The following ADAM2 variants were observed in gnomAD, a reference collection of about 807,000 sequenced individuals.
ADAM2 encodes ADAM metallopeptidase domain 2.
Under a neutral mutation model 99.3 loss-of-function variants are expected in ADAM2, and 101 were observed. The ratio of observed to expected loss-of-function variants is 1.02; its 90% CI spans 0.87 to 1.20. The LOEUF is 1.20. ADAM2 is among the 50% of genes most tolerant of loss of function. ADAM2 has a pLI of 0.00. For missense variants in ADAM2, 948 were observed against 878.7 expected, an observed-to-expected ratio of 1.08 and a Z score of -1.00; for synonymous variants, 323 against 287.6, an observed-to-expected ratio of 1.12 and a Z score of -1.25.
intron 7 of ADAM2, among the ~76,000 whole-genome samples, chr8:39,795,413 A>G (rs1586113856): frequency 6.6e-6 from 1 of 152,254 alleles, no homozygotes; most frequent in African/African-American, 2.4e-5. Context: ...ATTCTCTCTG[A>G]AGCCTGCTAC....
At position 39,824,835 on chromosome 8, in the gene ADAM2, A is replaced by G; in HGVS notation, c.251T>C (p.Leu84Pro). 6.4e-7 allele frequency: 1 copy of G among 1,570,940 alleles called. No homozygotes were observed. Reference protein sequence around the residue: ...SYSGTGIMKPLDQDFQNFCHY... With the variant: ...SYSGTGIMKPPDQDFQNFCHY... ...AAAACATACCTGAAAATCTTGGTCA[A>G]GTGGTTTCATAATTCCTGTGCCACT... The change falls in exon 4 of 21, where the codon CTT becomes CCT. Residue 84 changes from leucine to proline, a missense_variant. Leu to Pro is a moderately conservative substitution (Grantham distance 98). Coordinates refer to ENST00000265708, the MANE Select transcript of ADAM2 (RefSeq NM_001464.5).
chr8:39,798,093 G>T (rs1007146856), intron 7 of ADAM2, among the ~76,000 whole-genome samples: 3 of 152,226 alleles, frequency 2.0e-5, no homozygotes, highest in African/African-American at 7.2e-5. Flanking sequence ...GGAGTAGTAA[G>T]ACAGGGCATC....
At chr8:39,812,448 A>C (rs1448012520) in intron 6 of ADAM2, among the ~76,000 whole-genome samples, 1 of 152,178 alleles carries the variant, frequency 6.6e-6, no homozygotes, top group African/African-American at 2.4e-5. Flanking sequence ...ATGGAACCAA[A>C]AATGAGCCCG....
intron 10 of ADAM2, among the ~76,000 whole-genome samples, chr8:39,786,697 A>C (rs1025283337): frequency 6.6e-6 from 1 of 152,148 alleles, no homozygotes; most frequent in African/African-American, 2.4e-5. Context: ...AAATATTAAG[A>C]TTATGAAAAC....
intron 6 of ADAM2, among the ~76,000 whole-genome samples, chr8:39,812,614 T>C (rs1195877671): frequency 6.6e-6 from 1 of 152,054 alleles, no homozygotes; most frequent in Non-Finnish European, 1.5e-5. Flanking sequence ...CCCTCAGAAA[T>C]AGTACCGCAC....
At chr8:39,781,597 T>C (rs1803233603) in intron 10 of ADAM2, among the ~76,000 whole-genome samples, 2 of 152,216 alleles carry the variant, frequency 1.3e-5, no homozygotes, top group Non-Finnish European at 2.9e-5. Flanking sequence ...CTACAGGATA[T>C]GGATATTCCA....
At chr8:39,803,015 A>G (rs764569372) in intron 7 of ADAM2, among the ~76,000 whole-genome samples, 1 of 152,120 alleles carries the variant, frequency 6.6e-6, no homozygotes, top group South Asian at 2.1e-4. Context: ...ATGAATCTTA[A>G]TGCTTGCTTG....
intron 7 of ADAM2, among the ~76,000 whole-genome samples, chr8:39,808,763 A>G (rs1300309182): frequency 6.6e-6 from 1 of 152,102 alleles, no homozygotes; most frequent in Admixed American, 6.5e-5. Context: ...TAAAAATACA[A>G]AAATTAGCTG....
At chr8:39,827,109 A>G (rs2129588776) in intron 3 of ADAM2, among the ~76,000 whole-genome samples, 1 of 152,276 alleles carries the variant, frequency 6.6e-6, no homozygotes, top group Non-Finnish European at 1.5e-5. Flanking sequence ...AGACATACAT[A>G]TGGCCAAGAG....
At chr8:39,793,476 A>T (rs1288483016) in intron 7 of ADAM2, among the ~76,000 whole-genome samples, 1 of 152,094 alleles carries the variant, frequency 6.6e-6, no homozygotes, top group Non-Finnish European at 1.5e-5. Context: ...CCATTGGGAG[A>T]ATTTTTTAAG....
chr8:39,755,765 A>G lies in ADAM2; in HGVS notation c.1760T>C (p.Met587Thr), dbSNP rs1446828239. ...FASDHADSQKMWIKDGTSCGS... is the reference protein window; with the variant it reads ...FASDHADSQKTWIKDGTSCGS... ...ACAAGAAGTTCCATCTTTTATCCAC[A>G]TCTTTTGGCTGTCTGCATGATCACT... Residue 587 changes from methionine (M) to threonine (T), a missense_variant, in exon 16 of 21, where the codon ATG becomes ACG. Transcript: ENST00000265708. 1 of 1,613,512 alleles carries G rather than the reference A, an allele frequency of 6.2e-7. No homozygotes were observed.
intron 1 of ADAM2, 112 bp downstream of exon 1, chr8:39,838,019 G>T (rs1805909839): frequency 8.2e-7 from 1 of 1,223,568 alleles, no homozygotes; most frequent in Non-Finnish European, 1.2e-6. Context: ...GAATTGCTGA[G>T]TTGGAAACCC....
intron 7 of ADAM2, among the ~76,000 whole-genome samples, chr8:39,792,932 T>C (rs1803782847): frequency 6.6e-6 from 1 of 152,076 alleles, no homozygotes; most frequent in Non-Finnish European, 1.5e-5. Flanking sequence ...GGGAAGACAG[T>C]GATATAGCCA....
At chr8:39,766,773 T>G (rs1802581453) in intron 14 of ADAM2, 75 bp downstream of exon 14, 14 of 993,018 alleles carry the variant, frequency 1.4e-5, no homozygotes, top group Non-Finnish European at 1.9e-5. Context: ...AAAATCACAA[T>G]CATGTATCAG....
intron 7 of ADAM2, among the ~76,000 whole-genome samples, chr8:39,800,215 A>G (rs937854589): frequency 1.3e-5 from 2 of 152,080 alleles, no homozygotes; most frequent in African/African-American, 2.4e-5. Context: ...TGCAGGACAG[A>G]CCTGGTAGTA....
At chr8:39,761,068 T>C in intron 15 of ADAM2, 108 bp downstream of exon 15, 1 of 554,484 alleles carries the variant, frequency 1.8e-6, no homozygotes, top group Non-Finnish European at 3.0e-6. Flanking sequence ...AACATGGTCT[T>C]ACTTTATGTT....
intron 15 of ADAM2, among the ~76,000 whole-genome samples, chr8:39,760,370 A>G (rs1166293664): frequency 5.3e-5 from 8 of 152,172 alleles, no homozygotes; most frequent in Non-Finnish European, 1.0e-4. Flanking sequence ...ACAAATAGGT[A>G]AAGAGTGGGA....
chr8:39,767,306 C>T (rs905677173), intron 12 of ADAM2, 55 bp from the exon 13 acceptor site: 1 of 1,394,230 alleles, frequency 7.2e-7, no homozygotes, highest in Non-Finnish European at 1.0e-6. Flanking sequence ...TCATATTGGA[C>T]AGGCATGTTC....
rs1803559802 is a variant in ADAM2, at chr8:39,788,240, T to TGAAACAAAATTCTAACATA, written c.653_654insTATGTTAGAATTTTGTTTC (p.Phe219MetfsTer8). On this transcript the variant is annotated frameshift_variant, in exon 9 of 21. Coordinates refer to ENST00000265708, the MANE Select transcript of ADAM2 (RefSeq NM_001464.5). LOFTEE classifies it high-confidence loss of function. ...AAGACAGAATAATTGTAATATTAAA[T>TGAAACAAAATTCTAACATA]GAAACAAAAATCTAAAATAGAAAAC... 1.3e-6 allele frequency: 2 copies of TGAAACAAAATTCTAACATA among 1,512,774 alleles called. No individual in the cohort carries two copies. The highest frequency in any genetic ancestry group is 2.8e-5 in the African/African-American group (2 of 70,440). 93.7% of individuals were successfully genotyped at this position (1,512,774 alleles called of 1,614,324 possible).
Sources: gnomAD v4.1 joint callset for allele counts (sites outside exome capture counted in the v4.1 genomes callset) on GRCh38, gnomAD v4.1.1 for gene constraint, MANE v1.5 for transcripts, NCBI Gene and HGNC (gene_info 2026-07-23, HGNC 2026-07-21) for gene names.